Variants in RBFOX1 observed in about 807,000 individuals in gnomAD.
RBFOX1 encodes RNA binding fox-1 homolog 1.
In RBFOX1, 8 loss-of-function variants were observed where a neutral mutation model predicts 57.7. That is an observed-to-expected ratio of 0.14 (90% CI 0.08 to 0.25). The LOEUF is 0.25. Among genes scored for constraint, RBFOX1 ranks in the 10% least tolerant of loss-of-function variants. The pLI, the probability that RBFOX1 is intolerant of heterozygous loss-of-function variation, is 1.00. For missense variants in RBFOX1, 611 were observed against 548.5 expected (o/e 1.11, Z -1.14); for synonymous variants, 326 against 222.4 (o/e 1.47, Z -4.15).
At chr16:7,434,059 C>T (rs76371280) in intron 4 of RBFOX1, among the ~76,000 whole-genome samples, 1 of 151,820 alleles carries the variant, frequency 6.6e-6, no homozygotes, top group Admixed American at 6.6e-5. Flanking sequence ...CAGAAAGACA[C>T]TAAAAGATGT....
intron 2 of RBFOX1, among the ~76,000 whole-genome samples, chr16:5,480,638 G>C (rs1472197995): frequency 6.6e-6 from 1 of 152,240 alleles, no homozygotes; most frequent in Non-Finnish European, 1.5e-5. Flanking sequence ...GGCTATGCTA[G>C]TGTGTATGTG....
chr16:6,920,710 T>G (rs2153453436), intron 3 of RBFOX1, among the ~76,000 whole-genome samples: 1 of 152,316 alleles, frequency 6.6e-6, no homozygotes, highest in Non-Finnish European at 1.5e-5. Flanking sequence ...ACCCCTTGGC[T>G]TGTGGCTGCA....
At chr16:5,353,774 C>T (rs1034080860) in intron 1 of RBFOX1, among the ~76,000 whole-genome samples, 3 of 150,946 alleles carry the variant, frequency 2.0e-5, no homozygotes, top group Admixed American at 2.0e-4. Context: ...GCCGAGTGCT[C>T]CCTTAGGACG....
At chr16:5,717,990 C>T (rs1393761458) in intron 3 of RBFOX1, among the ~76,000 whole-genome samples, 1 of 152,226 alleles carries the variant, frequency 6.6e-6, no homozygotes, top group African/African-American at 2.4e-5. Flanking sequence ...TATGCATCTA[C>T]ACTTTCTCAT....
At chr16:7,208,096 G>A (rs1038124385) in intron 4 of RBFOX1, among the ~76,000 whole-genome samples, 1 of 152,200 alleles carries the variant, frequency 6.6e-6, no homozygotes, top group Non-Finnish European at 1.5e-5. Flanking sequence ...AGCAACTTTG[G>A]TGGTTACAGG....
chr16:5,541,190 G>T (rs2044935827), intron 2 of RBFOX1, among the ~76,000 whole-genome samples: 1 of 152,074 alleles, frequency 6.6e-6, no homozygotes, highest in South Asian at 2.1e-4. Flanking sequence ...TGATTTATGT[G>T]TATGTTTAAG....
chr16:5,351,902 C>G (rs1167760867), intron 1 of RBFOX1, among the ~76,000 whole-genome samples: 1 of 152,176 alleles, frequency 6.6e-6, no homozygotes, highest in Non-Finnish European at 1.5e-5. Flanking sequence ...CTCCTGGGTT[C>G]AAGCGATTTT....
intron 10 of RBFOX1, among the ~76,000 whole-genome samples, chr16:7,619,129 T>C (rs10492764): frequency 0.089 from 13,519 of 152,190 alleles, 810 homozygotes; most frequent in African/African-American, 0.17. Flanking sequence ...TTAAATCTGA[T>C]GCAAAGGTTA....
chr16:6,143,591 G>T (rs1030573158), intron 1 of RBFOX1, among the ~76,000 whole-genome samples: 7 of 152,096 alleles, frequency 4.6e-5, no homozygotes, highest in African/African-American at 1.2e-4. Context: ...AAGTGATTCT[G>T]TTCTCTCTTG....
intron 3 of RBFOX1, among the ~76,000 whole-genome samples, chr16:5,620,906 T>A (rs1192961468): frequency 6.6e-6 from 1 of 151,740 alleles, no homozygotes; most frequent in Admixed American, 6.6e-5. Flanking sequence ...AGGAGTGTGA[T>A]CTCGGCTCAC....
At chr16:5,621,814 A>G (rs907506710) in intron 3 of RBFOX1, among the ~76,000 whole-genome samples, 1 of 152,144 alleles carries the variant, frequency 6.6e-6, no homozygotes, top group Non-Finnish European at 1.5e-5. Context: ...TTTGGTGCAA[A>G]TGTGTATCTA....
intron 4 of RBFOX1, among the ~76,000 whole-genome samples, chr16:7,288,575 T>G (rs1012895797): frequency 6.6e-5 from 10 of 152,224 alleles, no homozygotes; most frequent in African/African-American, 2.4e-4. Context: ...GAGCAGTGGC[T>G]CACACCTATA....
At chr16:6,272,856 G>T (rs1291975553) in intron 1 of RBFOX1, among the ~76,000 whole-genome samples, 1 of 152,044 alleles carries the variant, frequency 6.6e-6, no homozygotes, top group African/African-American at 2.4e-5. Flanking sequence ...TTCAACATAT[G>T]GTACTAGAGA....
intron 2 of RBFOX1, among the ~76,000 whole-genome samples, chr16:6,507,911 C>A (rs566125309): frequency 1.3e-5 from 2 of 152,154 alleles, no homozygotes; most frequent in East Asian, 3.9e-4. Flanking sequence ...GTACAAAATA[C>A]ACTTACGTTC....
At chr16:5,665,036 C>G (rs2049787762) in intron 3 of RBFOX1, among the ~76,000 whole-genome samples, 1 of 151,636 alleles carries the variant, frequency 6.6e-6, no homozygotes. Flanking sequence ...CCCTCTACCT[C>G]CCATGCTCAA....
chr16:7,694,749 T>G (rs2147716594), intron 14 of RBFOX1, among the ~76,000 whole-genome samples: 1 of 152,238 alleles, frequency 6.6e-6, no homozygotes, highest in Middle Eastern at 3.4e-3. Context: ...AAAAGTTGTT[T>G]AACATTTTCA....
rs200051956 is a variant in RBFOX1 at position 6,859,187 on chromosome 16, A to G, written c.-15-192870A>G. On this transcript the variant is annotated intron_variant, in intron 3 of 15. Transcript: ENST00000550418. ...TACGTATATATATGTATATATATGT[A>G]TATATATATGTATATATATATATAC... is the stretch of plus-strand genomic sequence containing the variant. 3.7e-3 allele frequency among the ~76,000 whole-genome samples: 237 copies of G among 63,966 alleles called. 8 individuals carry two copies. Among genetic ancestry groups the G allele is most frequent in the African/African-American group, 0.017 (221 of 13,126 alleles). 42.0% of individuals were successfully genotyped at this position (63,966 alleles called of 152,430 possible). A position where few individuals can be genotyped will look rare whatever the true frequency, so the allele number is the denominator to read the frequency against.
chr16:5,460,234 T>C (rs543732488), intron 1 of RBFOX1, among the ~76,000 whole-genome samples: 1 of 152,338 alleles, frequency 6.6e-6, no homozygotes, highest in African/African-American at 2.4e-5. Flanking sequence ...AAGGTTTGAA[T>C]CCCAGCCCAC....
intron 3 of RBFOX1, among the ~76,000 whole-genome samples, chr16:6,965,171 T>A (rs778478341): frequency 3.9e-5 from 6 of 152,106 alleles, no homozygotes; most frequent in Non-Finnish European, 8.8e-5. Flanking sequence ...CAGATTGCTG[T>A]GGTGGTAGAT....
Sources: allele counts gnomAD v4.1 joint callset (sites outside exome capture counted in the v4.1 genomes callset), GRCh38; gene constraint gnomAD v4.1.1; transcripts MANE v1.5; gene names NCBI Gene and HGNC (gene_info 2026-07-23, HGNC 2026-07-21).